Variants in SLC23A2 observed in about 807,000 individuals in gnomAD.
SLC23A2 encodes solute carrier family 23 member 2, also known as Na(+)/L-ascorbic acid transporter 2.
A neutral mutation model predicts 73.3 loss-of-function variants in SLC23A2; 36 were observed. The observed-to-expected ratio is 0.49, with a 90% CI of 0.38 to 0.65. The LOEUF is 0.65. SLC23A2 is among the 30% of genes least tolerant of loss of function. The pLI, the probability that SLC23A2 is intolerant of heterozygous loss-of-function variation, is 0.00. For missense variants in SLC23A2, 507 were observed against 841.6 expected (o/e 0.60, Z 4.92); for synonymous variants, 343 against 327.3 (o/e 1.05, Z -0.52).
Position 4,899,298 on chromosome 20 carries a change from A to G in SLC23A2, c.482+257T>C, listed in dbSNP as rs571421753. ...GCTGGGGAGCGAGCATGACTTGCCA[A>G]GGGGGCAGGGGAAGGAGAGTGAGGC... On this transcript the variant is annotated intron_variant, in intron 6 of 16. Coordinates refer to ENST00000338244, the MANE Select transcript of SLC23A2 (RefSeq NM_005116.6). This position sits in a 1 kb window ranked among gnomAD's most constrained non-coding sequence, Gnocchi z 4.9. Among the ~76,000 whole-genome samples, 50 of 152,128 alleles carry G rather than the reference A, an allele frequency of 3.3e-4. No homozygotes were observed. The highest frequency in any genetic ancestry group is 1.2e-3 in the African/African-American group (49 of 41,508).
chr20:5,003,147 G>T (rs1370818973), upstream of SLC23A2, among the ~76,000 whole-genome samples: 5 of 152,326 alleles, frequency 3.3e-5, no homozygotes, highest in East Asian at 9.6e-4. Context: ...ACTTTGGGAG[G>T]CCGAGGCAGG....
chr20:4,942,374 C>CAAAAAAAAAAAAAAA (rs1216270773), intron 2 of SLC23A2, among the ~76,000 whole-genome samples: 1 of 47,400 alleles, frequency 2.1e-5, no homozygotes, highest in African/African-American at 6.8e-5. Context: ...GCTACAGTCT[C>CAAAAAAAAAAAAAAA]AAAAAAAAAA....
At chr20:4,898,163 C>G in intron 6 of SLC23A2, among the ~76,000 whole-genome samples, 1 of 152,242 alleles carries the variant, frequency 6.6e-6, no homozygotes, top group Non-Finnish European at 1.5e-5. Flanking sequence ...TGCCCTGCCC[C>G]CTGGGGGGTT....
chr20:4,910,149 A>C (rs1054964199), intron 4 of SLC23A2, among the ~76,000 whole-genome samples: 17 of 151,974 alleles, frequency 1.1e-4, no homozygotes, highest in African/African-American at 4.1e-4. Context: ...AAGGCGGATA[A>C]ATCACCTGAG....
In SLC23A2 at chr20:4,998,155, T is replaced by G. The variant is rs897611863; in HGVS notation, c.-282+3251A>C. Among the ~76,000 whole-genome samples, 10 of 152,134 alleles carry G rather than the reference T, an allele frequency of 6.6e-5. No homozygotes were observed. The highest frequency in any genetic ancestry group is 2.4e-4 in the African/African-American group (10 of 41,440). On this transcript the variant is annotated intron_variant, in intron 1 of 16. Coordinates refer to ENST00000338244, the MANE Select transcript of SLC23A2 (RefSeq NM_005116.6). The surrounding 1 kb of genome is among the most constrained non-coding windows in gnomAD (Gnocchi z 4.1). Reference sequence around the variant, plus strand: ...CATATACCTTCCTCCCTGTCTACCCTTCCAAAAATATCAACTCCCATCCCC... The same window carrying G: ...CATATACCTTCCTCCCTGTCTACCCGTCCAAAAATATCAACTCCCATCCCC...
At chr20:5,005,243 C>T (rs2088178783), upstream of SLC23A2, among the ~76,000 whole-genome samples, 1 of 151,720 alleles carries the variant, frequency 6.6e-6, no homozygotes, top group African/African-American at 2.4e-5. Context: ...TTATTCAGTG[C>T]ATGAATATGT....
chr20:4,943,095 T>A (rs2087067847), intron 2 of SLC23A2, among the ~76,000 whole-genome samples: 1 of 122,184 alleles, frequency 8.2e-6, no homozygotes, highest in African/African-American at 3.2e-5. Flanking sequence ...CAGCTCCTAG[T>A]ACAGAATAGA....
chr20:4,918,454 C>T (rs1476750566), intron 3 of SLC23A2, among the ~76,000 whole-genome samples: 2 of 152,312 alleles, frequency 1.3e-5, no homozygotes, highest in Middle Eastern at 6.8e-3. Context: ...GAGCAACGGA[C>T]ACATTTCCAC....
chr20:4,912,710 G>A (rs1018017450), intron 4 of SLC23A2, among the ~76,000 whole-genome samples, 170 bp downstream of exon 4: 1 of 150,518 alleles, frequency 6.6e-6, no homozygotes, highest in Non-Finnish European at 1.5e-5. Context: ...TATTCCCTAT[G>A]GCTCCTCCTA....
chr20:4,968,519 T>C (rs1001732543), intron 2 of SLC23A2, among the ~76,000 whole-genome samples: 5 of 152,170 alleles, frequency 3.3e-5, no homozygotes, highest in African/African-American at 1.2e-4. Flanking sequence ...AAGAAGCTAC[T>C]GTGTTAATCC....
intron 4 of SLC23A2, among the ~76,000 whole-genome samples, chr20:4,911,933 T>C (rs1223654106): frequency 6.6e-6 from 1 of 152,030 alleles, no homozygotes; most frequent in Non-Finnish European, 1.5e-5. Flanking sequence ...AGCCTCAAAC[T>C]CTTAGGCTCA....
At chr20:5,003,605 C>T (rs1048931764), upstream of SLC23A2, among the ~76,000 whole-genome samples, 1 of 151,894 alleles carries the variant, frequency 6.6e-6, no homozygotes, top group Non-Finnish European at 1.5e-5. Context: ...GGTCAAGACC[C>T]CCTGAGCTTT....
At chr20:4,993,678 A>G (rs1424596056) in intron 1 of SLC23A2, among the ~76,000 whole-genome samples, 2 of 152,230 alleles carry the variant, frequency 1.3e-5, no homozygotes, top group Non-Finnish European at 2.9e-5. Flanking sequence ...TGCTTGTTAT[A>G]TTCCAAACAC....
At chr20:4,924,976 G>A (rs1932621946) in intron 3 of SLC23A2, among the ~76,000 whole-genome samples, 1 of 152,046 alleles carries the variant, frequency 6.6e-6, no homozygotes, top group Non-Finnish European at 1.5e-5. Context: ...CTTGAGCTCA[G>A]GAGTTTGAGA....
intron 3 of SLC23A2, among the ~76,000 whole-genome samples, chr20:4,927,042 T>A (rs1932697857): frequency 6.6e-6 from 1 of 151,956 alleles, no homozygotes; most frequent in Non-Finnish European, 1.5e-5. Flanking sequence ...CAGCTTTGGA[T>A]TCTGAGGCAA....
At chr20:4,874,450 A>G (rs1930576605) in intron 10 of SLC23A2, 126 bp downstream of exon 10, 1 of 833,730 alleles carries the variant, frequency 1.2e-6, no homozygotes. Context: ...GGTCATTAGT[A>G]GCCTGGTCTC....
chr20:4,942,207 G>C (rs542036251), intron 2 of SLC23A2, among the ~76,000 whole-genome samples: 1 of 152,156 alleles, frequency 6.6e-6, no homozygotes, highest in South Asian at 2.1e-4. Flanking sequence ...CAGCAGTGCG[G>C]AATAATGTCC....
At chr20:4,888,290 G>A (rs1203039774) in intron 6 of SLC23A2, among the ~76,000 whole-genome samples, 2 of 152,172 alleles carry the variant, frequency 1.3e-5, no homozygotes, top group Non-Finnish European at 2.9e-5. Flanking sequence ...CTGCTTTCAC[G>A]CTATCACGGT....
chr20:4,956,420 G>A (rs2087289127), intron 2 of SLC23A2, among the ~76,000 whole-genome samples: 1 of 152,128 alleles, frequency 6.6e-6, no homozygotes, highest in Non-Finnish European at 1.5e-5. Context: ...GAAATCTAAT[G>A]GCACTTGGTA....
Sources: allele counts gnomAD v4.1 joint callset (sites outside exome capture counted in the v4.1 genomes callset), GRCh38; gene constraint gnomAD v4.1.1; non-coding constraint Gnocchi (gnomAD v3.1); transcripts MANE v1.5; gene names NCBI Gene and HGNC (gene_info 2026-07-23, HGNC 2026-07-21).